Variants in UBE2E2 observed in about 807,000 individuals in gnomAD.
UBE2E2 encodes ubiquitin-conjugating enzyme E2 E2.
UBE2E2 carries 6 observed loss-of-function variants against 24.7 expected under a neutral mutation model. The observed-to-expected ratio is 0.24, with a 90% CI of 0.13 to 0.48. The LOEUF (loss-of-function observed/expected upper bound fraction) is 0.48. Ranked by LOEUF, UBE2E2 falls within the 20% of genes least tolerant of loss-of-function variation. The pLI is 0.99. For missense variants in UBE2E2, 169 were observed against 245.0 expected (o/e 0.69, Z 2.07); for synonymous variants, 104 against 83.6 (o/e 1.24, Z -1.33).
intron 3 of UBE2E2, among the ~76,000 whole-genome samples, chr3:23,246,215 G>C (rs4858485): frequency 0.71 from 101,913 of 142,932 alleles, 37,526 homozygotes; most frequent in African/African-American, 0.9. Flanking sequence ...GCCACCATGC[G>C]TGGCTAATTT....
chr3:23,218,964 A>G (rs966653354), intron 3 of UBE2E2, among the ~76,000 whole-genome samples: 3 of 152,208 alleles, frequency 2.0e-5, no homozygotes, highest in Non-Finnish European at 4.4e-5. Context: ...CTTCATAAAT[A>G]GAGCAAAATG....
chr3:23,245,135 A>G (rs1332975479), intron 3 of UBE2E2, among the ~76,000 whole-genome samples: 2 of 152,094 alleles, frequency 1.3e-5, no homozygotes, highest in Non-Finnish European at 2.9e-5. Context: ...TACAAAAAAG[A>G]TGAGATAGTG....
At chr3:23,485,079 A>G (rs1054045685) in intron 3 of UBE2E2, among the ~76,000 whole-genome samples, 2 of 147,304 alleles carry the variant, frequency 1.4e-5, no homozygotes, top group East Asian at 2.0e-4. Context: ...AAGTGAGTCC[A>G]CTTAACACTA....
intron 3 of UBE2E2, among the ~76,000 whole-genome samples, chr3:23,358,070 G>C (rs1559360530): frequency 6.6e-6 from 1 of 152,144 alleles, no homozygotes; most frequent in South Asian, 2.1e-4. Flanking sequence ...TCTTGGGCTT[G>C]AGTGATCAGC....
chr3:23,228,755 A>G (rs1696893730), intron 3 of UBE2E2, among the ~76,000 whole-genome samples: 2 of 152,214 alleles, frequency 1.3e-5, no homozygotes, highest in South Asian at 4.1e-4. Flanking sequence ...TTAAGGGTAT[A>G]TCTCAATCCG....
chr3:23,528,801 A>G (rs1248596018), intron 4 of UBE2E2, among the ~76,000 whole-genome samples: 4 of 152,082 alleles, frequency 2.6e-5, no homozygotes, highest in African/African-American at 7.2e-5. Context: ...CTTTCTGCCT[A>G]GGTATTTCCC....
chr3:23,584,130 T>A (rs1202786283), intron 5 of UBE2E2, among the ~76,000 whole-genome samples: 1 of 152,188 alleles, frequency 6.6e-6, no homozygotes, highest in African/African-American at 2.4e-5. Context: ...AACATGATGA[T>A]ATGTTGAATT....
chr3:23,250,724 G>A (rs991934030), intron 3 of UBE2E2, among the ~76,000 whole-genome samples: 1 of 152,186 alleles, frequency 6.6e-6, no homozygotes, highest in Non-Finnish European at 1.5e-5. Context: ...CAGTCATTAA[G>A]AATTATATAT....
chr3:23,532,819 G>T, intron 5 of UBE2E2, 118 bp downstream of exon 5: 1 of 967,872 alleles, frequency 1.0e-6, no homozygotes, highest in East Asian at 2.8e-5. Flanking sequence ...TACTATTATT[G>T]TTAAATTTTC....
intron 3 of UBE2E2, among the ~76,000 whole-genome samples, chr3:23,392,611 A>G (rs1245035061): frequency 6.6e-6 from 1 of 152,198 alleles, no homozygotes; most frequent in Non-Finnish European, 1.5e-5. Context: ...TTAGAACAGA[A>G]TATTGCATGG....
intron 3 of UBE2E2, among the ~76,000 whole-genome samples, chr3:23,301,667 C>T (rs2125263742): frequency 6.6e-6 from 1 of 152,292 alleles, no homozygotes. Context: ...GAGTACCCGG[C>T]CGTGTGAGGT....
At chr3:23,267,785 A>G (rs1476573574) in intron 3 of UBE2E2, among the ~76,000 whole-genome samples, 1 of 151,066 alleles carries the variant, frequency 6.6e-6, no homozygotes, top group Non-Finnish European at 1.5e-5. Context: ...TCCTTGATGA[A>G]CATTGATGCA....
rs746263657 is a variant in UBE2E2 at position 23,314,314 on chromosome 3, A to G, written c.227+97002A>G. On this transcript the variant is annotated intron_variant, in intron 3 of 5. Transcript: ENST00000396703. ...TGGCTAACTTTTATATTTTTTGTAG[A>G]TAACGTGATTTCATCATGTTGTCCA... 7.6e-4 allele frequency among the ~76,000 whole-genome samples: 116 copies of G among 152,018 alleles called. 1 individual carries two copies. The highest frequency in any genetic ancestry group is 1.5e-3 in the Non-Finnish European group (104 of 67,990).
At chr3:23,422,846 G>A (rs1697834611) in intron 3 of UBE2E2, among the ~76,000 whole-genome samples, 1 of 151,926 alleles carries the variant, frequency 6.6e-6, no homozygotes, top group Non-Finnish European at 1.5e-5. Flanking sequence ...CTAGGGAAGG[G>A]TCTAGGTAAG....
intron 3 of UBE2E2, among the ~76,000 whole-genome samples, chr3:23,238,251 A>C (rs898972545): frequency 6.6e-6 from 1 of 152,180 alleles, no homozygotes; most frequent in Non-Finnish European, 1.5e-5. Flanking sequence ...CCTGCTGAGC[A>C]CTTTCATCTC....
intron 3 of UBE2E2, among the ~76,000 whole-genome samples, chr3:23,414,171 T>G (rs944296473): frequency 1.3e-5 from 2 of 152,210 alleles, no homozygotes; most frequent in African/African-American, 4.8e-5. Flanking sequence ...AAGAACCTTT[T>G]AAATCTGAGA....
intron 5 of UBE2E2, among the ~76,000 whole-genome samples, chr3:23,558,114 C>T (rs1235143413): frequency 6.6e-6 from 1 of 152,198 alleles, no homozygotes; most frequent in Non-Finnish European, 1.5e-5. Flanking sequence ...TGGTTGGTTT[C>T]ACCTAATGAG....
intron 3 of UBE2E2, among the ~76,000 whole-genome samples, chr3:23,371,018 A>G (rs1011791562): frequency 6.6e-6 from 1 of 152,166 alleles, no homozygotes; most frequent in African/African-American, 2.4e-5. Flanking sequence ...CCAATTGTGT[A>G]CTTTTTTATT....
In UBE2E2 at chr3:23,466,000, G is replaced by A. The variant is rs377144574; in HGVS notation, c.228-33608G>A. 4.6e-4 allele frequency among the ~76,000 whole-genome samples: 70 copies of A among 152,212 alleles called. 1 individual carries two copies. The highest frequency in any genetic ancestry group is 1.6e-3 in the African/African-American group (65 of 41,536). The stretch of plus-strand genomic sequence containing the variant: ...CCTAATAATTAACACGGTTATTGAG[G>A]AATGCTTTTTAACCATTCTTGTATT... On this transcript the variant is annotated intron_variant, in intron 3 of 5. Coordinates refer to ENST00000396703, the MANE Select transcript of UBE2E2 (RefSeq NM_152653.4).
Sources: allele counts gnomAD v4.1 joint callset (sites outside exome capture counted in the v4.1 genomes callset), GRCh38; gene constraint gnomAD v4.1.1; transcripts MANE v1.5; gene names NCBI Gene and HGNC (gene_info 2026-07-23, HGNC 2026-07-21).